Variants in SKI observed in about 807,000 individuals in gnomAD.
SKI encodes SKI proto-oncogene.
In SKI, 23 loss-of-function variants were observed where a neutral mutation model predicts 59.3. That is an observed-to-expected ratio of 0.39 (90% CI 0.28 to 0.55). SKI has a LOEUF of 0.55. SKI is among the 20% of genes least tolerant of loss of function. SKI has a pLI of 0.67. For missense variants in SKI, 1,017 were observed against 1,038.9 expected (o/e 0.98, Z 0.29); for synonymous variants, 673 against 488.6 (o/e 1.38, Z -4.98).
chr1:2,235,385 C>G (rs554369485), intron 1 of SKI, among the ~76,000 whole-genome samples: 2 of 152,164 alleles, frequency 1.3e-5, no homozygotes, highest in Non-Finnish European at 2.9e-5. Flanking sequence ...CCGGGGTCTG[C>G]GGGCTGGAGG....
intron 1 of SKI, among the ~76,000 whole-genome samples, chr1:2,284,072 G>C (rs571802403): frequency 1.5e-4 from 23 of 152,122 alleles, no homozygotes; most frequent in Non-Finnish European, 3.2e-4. Context: ...CTGTCCTCCG[G>C]GCCATCCCCC....
At chr1:2,283,677 C>T (rs1028903571) in intron 1 of SKI, among the ~76,000 whole-genome samples, 5 of 152,216 alleles carry the variant, frequency 3.3e-5, no homozygotes, top group Non-Finnish European at 7.3e-5. Context: ...CAGGGAGCTG[C>T]CCCTCAAGTG....
intron 1 of SKI, among the ~76,000 whole-genome samples, chr1:2,297,801 G>A (rs370551212): frequency 1.1e-4 from 16 of 152,246 alleles, no homozygotes; most frequent in Non-Finnish European, 2.1e-4. Flanking sequence ...GAGAGGAGGC[G>A]TGGGCCCGCC....
Position 2,228,811 on chromosome 1 carries a change from G to A in SKI, c.45G>A (p.Pro15=), listed in dbSNP as rs762947696. The A allele has an allele frequency of 3.0e-6, 4 of 1,353,474 alleles. No individual in the cohort carries two copies. The highest frequency in any genetic ancestry group is 3.8e-6 in the Non-Finnish European group (4 of 1,041,806). The allele number at this position is 1,353,474 out of a possible 1,614,324, so 83.8% of individuals were successfully genotyped here. A position where few individuals can be genotyped will look rare whatever the true frequency, so the allele number is the denominator to read the frequency against. ...AGGRGCFQPH[P]GLQKTLEQFH... ...GCCGCGGCTGTTTCCAGCCGCACCC[G>A]GGGCTGCAGAAGACGCTGGAGCAGT... The change falls in exon 1 of 7, where the codon CCG becomes CCA. Residue 15 remains proline, a synonymous_variant. Transcript: ENST00000378536.
chr1:2,277,572 A>G (rs887271691), intron 1 of SKI, among the ~76,000 whole-genome samples: 3 of 152,224 alleles, frequency 2.0e-5, no homozygotes, highest in Non-Finnish European at 4.4e-5. Context: ...TGTAAGTCCA[A>G]TTAAACCTCT....
intron 1 of SKI, among the ~76,000 whole-genome samples, chr1:2,256,622 G>C (rs548402284): frequency 1.2e-4 from 18 of 152,374 alleles, no homozygotes; most frequent in African/African-American, 4.3e-4. Context: ...ACGTGCTTTG[G>C]GTGTTGCATG....
chr1:2,290,766 C>T (rs989559908), intron 1 of SKI, among the ~76,000 whole-genome samples: 4 of 152,190 alleles, frequency 2.6e-5, no homozygotes, highest in East Asian at 1.9e-4. Context: ...CTTGCGGAGC[C>T]GTCCTGTAAA....
rs1640487864 is a variant in SKI at position 2,303,782 on chromosome 1, G to A, written c.1212-58G>A. On this transcript the variant is annotated intron_variant, in intron 3 of 6. Coordinates refer to ENST00000378536, the MANE Select transcript of SKI (RefSeq NM_003036.4). The surrounding 1 kb of genome is among the most constrained non-coding windows in gnomAD (Gnocchi z 5.6). The stretch of plus-strand genomic sequence containing the variant: ...CTTCAGAGGGGGTGTGCGCCAGGAT[G>A]TGTCTGGGTGGTGCTTGGGGACAGA... The A allele has an allele frequency of 6.2e-6, 10 of 1,600,666 alleles. No individual in the cohort carries two copies. Among genetic ancestry groups the A allele is most frequent in the Non-Finnish European group, 8.5e-6 (10 of 1,173,990 alleles).
intron 1 of SKI, among the ~76,000 whole-genome samples, chr1:2,272,924 G>A (rs1639658265): frequency 6.6e-6 from 1 of 152,188 alleles, no homozygotes. Context: ...GGAGGGGGAG[G>A]TGGTAGGCAC....
At chr1:2,288,005 T>C (rs1009201377) in intron 1 of SKI, among the ~76,000 whole-genome samples, 5 of 151,968 alleles carry the variant, frequency 3.3e-5, no homozygotes, top group African/African-American at 9.7e-5. Context: ...TTTTCTTCCT[T>C]GAGACGGAGT....
intron 1 of SKI, among the ~76,000 whole-genome samples, chr1:2,249,475 C>T (rs559180021): frequency 1.4e-4 from 22 of 152,378 alleles, no homozygotes; most frequent in Admixed American, 2.6e-4. Context: ...GTGTCTCTGC[C>T]TTTGGTGGTC....
chr1:2,250,102 C>T (rs971763226), intron 1 of SKI, among the ~76,000 whole-genome samples: 4 of 152,128 alleles, frequency 2.6e-5, no homozygotes, highest in African/African-American at 4.8e-5. Flanking sequence ...GACGGGGTTT[C>T]ACCATGTTGG....
intron 1 of SKI, among the ~76,000 whole-genome samples, chr1:2,297,921 C>T (rs528893671): frequency 2.4e-4 from 36 of 152,354 alleles, no homozygotes; most frequent in Middle Eastern, 3.4e-3. Flanking sequence ...GCTGAGGGGA[C>T]GCACGGGAGG....
At chr1:2,292,798 G>C (rs925211714) in intron 1 of SKI, among the ~76,000 whole-genome samples, 2 of 152,236 alleles carry the variant, frequency 1.3e-5, no homozygotes. Flanking sequence ...GTGGTCTTCT[G>C]ACGCCGGCGG....
chr1:2,287,152 C>G (rs1640056342), intron 1 of SKI, among the ~76,000 whole-genome samples: 1 of 152,036 alleles, frequency 6.6e-6, no homozygotes, highest in South Asian at 2.1e-4. Context: ...GCCCGGGGTG[C>G]CCTGGCCCAG....
At chr1:2,275,774 G>A (rs1427567535) in intron 1 of SKI, among the ~76,000 whole-genome samples, 6 of 152,146 alleles carry the variant, frequency 3.9e-5, no homozygotes, top group East Asian at 3.9e-4. Context: ...GGCCTCCCAA[G>A]GTGCTGGGAT....
intron 1 of SKI, among the ~76,000 whole-genome samples, chr1:2,275,227 C>T (rs1320298761): frequency 6.6e-6 from 1 of 152,216 alleles, no homozygotes; most frequent in Non-Finnish European, 1.5e-5. Flanking sequence ...GAACATCGGG[C>T]CCCTGAGAGG....
At chr1:2,293,598 C>T (rs1640216299) in intron 1 of SKI, among the ~76,000 whole-genome samples, 1 of 152,214 alleles carries the variant, frequency 6.6e-6, no homozygotes, top group Admixed American at 6.5e-5. Flanking sequence ...GCTCGAGCAT[C>T]TGGTATCTCC....
chr1:2,229,546 G>C lies in SKI; in HGVS notation c.780G>C (p.Val260=). The change falls in exon 1 of 7, where the codon GTG becomes GTC. Residue 260 remains valine, a synonymous_variant. Coordinates refer to ENST00000378536, the MANE Select transcript of SKI (RefSeq NM_003036.4). This position sits in a 1 kb window ranked among gnomAD's most constrained non-coding sequence, Gnocchi z 6.3. ...TCATGTACCCGCCGCACAAGTTCGT[G>C]GTGCACTCGCACAAGGCCCTGGAGA... ...CRLMYPPHKF[V]VHSHKALENR... is the part of the protein sequence containing the mutation. The C allele has an allele frequency of 6.2e-7, 1 of 1,611,448 alleles. No homozygotes were observed. Among genetic ancestry groups the C allele is most frequent in the South Asian group, 1.1e-5 (1 of 91,080 alleles).
Sources: allele counts gnomAD v4.1 joint callset (sites outside exome capture counted in the v4.1 genomes callset), GRCh38; gene constraint gnomAD v4.1.1; non-coding constraint Gnocchi (gnomAD v3.1); transcripts MANE v1.5; gene names NCBI Gene and HGNC (gene_info 2026-07-23, HGNC 2026-07-21).